The following COL25A1 variants were observed in gnomAD, a reference collection of about 807,000 sequenced individuals.
COL25A1 encodes collagen alpha-1(XXV) chain.
Under a neutral mutation model 128.4 loss-of-function variants are expected in COL25A1, and 103 were observed. The ratio of observed to expected loss-of-function variants is 0.80; its 90% CI spans 0.68 to 0.94. The LOEUF is 0.94. Among genes scored for constraint, COL25A1 ranks in the 40% least tolerant of loss-of-function variants. The pLI is 0.00. For synonymous variants in COL25A1, 279 were observed against 277.2 expected (o/e 1.01, Z -0.06); for missense variants, 745 against 840.0 (o/e 0.89, Z 1.40).
At chr4:108,930,684 C>T (rs1181878900) in intron 11 of COL25A1, among the ~76,000 whole-genome samples, 3 of 152,190 alleles carry the variant, frequency 2.0e-5, no homozygotes, top group African/African-American at 4.8e-5. Flanking sequence ...CAGCTCTCCT[C>T]GTGCCACCAC....
At chr4:108,852,201 A>T (rs1257841768) in intron 26 of COL25A1, 35 bp downstream of exon 26, 1 of 1,541,872 alleles carries the variant, frequency 6.5e-7, no homozygotes, top group East Asian at 2.3e-5. Context: ...CCTGCACTGT[A>T]TGTGATAAAT....
chr4:109,261,886 A>T (rs1406880943), intron 3 of COL25A1, among the ~76,000 whole-genome samples: 1 of 151,236 alleles, frequency 6.6e-6, no homozygotes, highest in Non-Finnish European at 1.5e-5. Context: ...TTTAGTAGAG[A>T]CGGGGTTTCA....
intron 20 of COL25A1, among the ~76,000 whole-genome samples, chr4:108,868,411 C>T (rs1738202237): frequency 6.6e-6 from 1 of 151,598 alleles, no homozygotes; most frequent in African/African-American, 2.4e-5. Flanking sequence ...CCTAAATTAC[C>T]AAGTTGTCCC....
At chr4:109,098,106 G>A (rs1765557860) in intron 3 of COL25A1, among the ~76,000 whole-genome samples, 1 of 152,156 alleles carries the variant, frequency 6.6e-6, no homozygotes, top group Non-Finnish European at 1.5e-5. Context: ...CACATTACAT[G>A]AATACTTTTT....
intron 6 of COL25A1, among the ~76,000 whole-genome samples, chr4:108,990,687 T>C (rs1438313771): frequency 6.6e-6 from 1 of 152,224 alleles, no homozygotes; most frequent in Non-Finnish European, 1.5e-5. Flanking sequence ...AGAAGGTATA[T>C]ATGTGGGTGT....
chr4:109,282,483 C>A (rs1723469228), intron 3 of COL25A1, among the ~76,000 whole-genome samples: 1 of 152,136 alleles, frequency 6.6e-6, no homozygotes, highest in Non-Finnish European at 1.5e-5. Context: ...CTGAACCCAA[C>A]AAAACATCAC....
At chr4:109,227,263 A>T (rs1423246678) in intron 3 of COL25A1, among the ~76,000 whole-genome samples, 1 of 152,064 alleles carries the variant, frequency 6.6e-6, no homozygotes, top group Non-Finnish European at 1.5e-5. Context: ...CGCAGCAAAA[A>T]AAAATGCATA....
intron 3 of COL25A1, among the ~76,000 whole-genome samples, chr4:109,084,325 C>T (rs1357407524): frequency 2.0e-5 from 3 of 152,130 alleles, no homozygotes; most frequent in African/African-American, 7.2e-5. Context: ...ATAGGTATGC[C>T]TTGCCTTAAT....
chr4:109,124,252 T>C (rs1177877964), intron 3 of COL25A1, among the ~76,000 whole-genome samples: 1 of 152,060 alleles, frequency 6.6e-6, no homozygotes, highest in Non-Finnish European at 1.5e-5. Flanking sequence ...CTCCCATGTA[T>C]TTTTCAGCAT....
intron 8 of COL25A1, among the ~76,000 whole-genome samples, chr4:108,966,076 C>T (rs1281020506): frequency 1.3e-5 from 2 of 152,120 alleles, no homozygotes; most frequent in Non-Finnish European, 2.9e-5. Context: ...TGTATTATAA[C>T]AAGGTAATTG....
intron 16 of COL25A1, among the ~76,000 whole-genome samples, chr4:108,895,633 T>G (rs1355031223): frequency 6.6e-6 from 1 of 152,110 alleles, no homozygotes; most frequent in African/African-American, 2.4e-5. Flanking sequence ...AATACCCAGA[T>G]TTAGTGGAAT....
intron 3 of COL25A1, among the ~76,000 whole-genome samples, chr4:109,148,535 C>A (rs1771170765): frequency 6.6e-6 from 1 of 152,218 alleles, no homozygotes; most frequent in Admixed American, 6.5e-5. Flanking sequence ...CGTTTAGTCT[C>A]CTGAGTCTGT....
chr4:108,833,362 C>T (rs72668318), intron 31 of COL25A1, among the ~76,000 whole-genome samples: 26,418 of 152,132 alleles, frequency 0.17, 2,543 homozygotes, highest in Non-Finnish European at 0.23. Context: ...TCCCCTTTGT[C>T]CCCCTGGTTA....
intron 3 of COL25A1, among the ~76,000 whole-genome samples, chr4:109,210,784 C>T (rs1395575068): frequency 1.3e-5 from 2 of 152,030 alleles, no homozygotes; most frequent in Non-Finnish European, 2.9e-5. Context: ...AAGCCTCCCA[C>T]CTGGGAATAG....
intron 3 of COL25A1, among the ~76,000 whole-genome samples, chr4:109,262,292 T>A (rs927699228): frequency 1.3e-5 from 2 of 151,984 alleles, no homozygotes; most frequent in Non-Finnish European, 2.9e-5. Flanking sequence ...GGCGGGTGGA[T>A]CATCTGGGGT....
intron 3 of COL25A1, among the ~76,000 whole-genome samples, chr4:109,258,297 C>A (rs1462475275): frequency 1.3e-5 from 2 of 152,210 alleles, no homozygotes; most frequent in African/African-American, 4.8e-5. Context: ...TCCATACAGT[C>A]TTTTTCACTG....
At chr4:109,135,083 G>A (rs1769595033) in intron 3 of COL25A1, among the ~76,000 whole-genome samples, 1 of 149,146 alleles carries the variant, frequency 6.7e-6, no homozygotes, top group African/African-American at 2.5e-5. Context: ...CAAGTAGAGA[G>A]AGTTTTGGAA....
At chr4:108,977,504 G>A (rs1752548870) in intron 6 of COL25A1, among the ~76,000 whole-genome samples, 1 of 152,166 alleles carries the variant, frequency 6.6e-6, no homozygotes, top group Admixed American at 6.5e-5. Flanking sequence ...GGTTATACAA[G>A]TAGGATTTTA....
chr4:108,861,412 G>A (rs1049386392), intron 22 of COL25A1, among the ~76,000 whole-genome samples: 1 of 151,838 alleles, frequency 6.6e-6, no homozygotes, highest in Non-Finnish European at 1.5e-5. Context: ...GGAGTAGAGA[G>A]CTCATTCTAG....
Sources: gnomAD v4.1 joint callset for allele counts (sites outside exome capture counted in the v4.1 genomes callset) on GRCh38, gnomAD v4.1.1 for gene constraint, MANE v1.5 for transcripts, NCBI Gene and HGNC (gene_info 2026-07-23, HGNC 2026-07-21) for gene names.